The following SPATA3 variants were observed in gnomAD, a reference collection of about 807,000 sequenced individuals.
SPATA3 encodes spermatogenesis-associated protein 3.
A neutral mutation model predicts 5.7 loss-of-function variants in SPATA3; 6 were observed. That is an observed-to-expected ratio of 1.06 (90% confidence interval 0.58 to 2.09). The LOEUF is 2.09. SPATA3 is among the 30% of genes most tolerant of loss of function. SPATA3 has a pLI of 0.00. For missense variants in SPATA3, 155 were observed against 130.4 expected (o/e 1.19, Z -0.92); for synonymous variants, 44 against 48.4 (o/e 0.91, Z 0.37).
At chr2:230,998,413 A>G (rs1451839661) in intron 1 of SPATA3, among the ~76,000 whole-genome samples, 1 of 152,224 alleles carries the variant, frequency 6.6e-6, no homozygotes, top group Non-Finnish European at 1.5e-5. Flanking sequence ...TACTGGTAGA[A>G]AGCAAGACTT....
rs576671526 is a variant in SPATA3 at position 231,013,354 on chromosome 2, A to G, written c.*227-520A>G. ...TCTTTTGCTCATCATAATATTTTAA[A>G]CCTAAATCATATTTCTATACATATC... On this transcript the variant is annotated intron_variant, in intron 5 of 8. Coordinates refer to the SPATA3 transcript ENST00000452881. Among the ~76,000 whole-genome samples, 34 of 152,264 alleles carry G rather than the reference A, an allele frequency of 2.2e-4. 1 individual carries two copies. Among genetic ancestry groups the G allele is most frequent in the Admixed American group, 1.2e-3 (18 of 15,306 alleles).
At chr2:231,001,857 A>G (rs1033101198) in intron 2 of SPATA3, among the ~76,000 whole-genome samples, 3 of 152,200 alleles carry the variant, frequency 2.0e-5, no homozygotes, top group African/African-American at 7.2e-5. Flanking sequence ...AGAGGCTCCA[A>G]CAGGAACCTC....
chr2:231,008,716 A>G (rs147332287), downstream of SPATA3, among the ~76,000 whole-genome samples: 1 of 152,330 alleles, frequency 6.6e-6, no homozygotes, highest in East Asian at 1.9e-4. Flanking sequence ...TTTCTGGCAT[A>G]TTGAGGTCCC....
intron 5 of SPATA3, among the ~76,000 whole-genome samples, chr2:231,013,437 G>A (rs4973366): frequency 0.33 from 49,369 of 151,774 alleles, 8,254 homozygotes; most frequent in Admixed American, 0.39. Flanking sequence ...ATGCCATAGC[G>A]TGTTTATCTA....
intron 2 of SPATA3, among the ~76,000 whole-genome samples, chr2:231,001,120 G>A (rs1194805409): frequency 6.6e-6 from 1 of 152,182 alleles, no homozygotes; most frequent in East Asian, 1.9e-4. Flanking sequence ...TGGTCTGTTG[G>A]TGGCGGCCCC....
chr2:231,008,712 G>A (rs1692707160), downstream of SPATA3, among the ~76,000 whole-genome samples: 1 of 152,192 alleles, frequency 6.6e-6, no homozygotes, highest in Non-Finnish European at 1.5e-5. Context: ...CCTTTTTCTG[G>A]CATATTGAGG....
At chr2:231,002,755 C>A (rs1559195916) in exon 3 of SPATA3, 5 of 1,529,592 alleles carry the variant, frequency 3.3e-6, no homozygotes, top group Non-Finnish European at 4.4e-6. Context: ...GGCTGTGGCT[C>A]TGGGGGCTCT....
intron 5 of SPATA3, chr2:231,012,837 C>T (rs752475245): frequency 6.6e-6 from 1 of 152,130 alleles, no homozygotes; most frequent in Non-Finnish European, 1.5e-5. Flanking sequence ...GCAAAAGAAT[C>T]GTTTTGTTCT....
chr2:231,004,256 TC>T (rs1692456850), downstream of SPATA3: 1 of 152,264 alleles, frequency 6.6e-6, no homozygotes, highest in African/African-American at 2.4e-5. Flanking sequence ...AACCTCAGTT[TC>T]CTCATCTGTA....
chr2:230,996,466 G>T (rs955456004), intron 1 of SPATA3: 1 of 1,552,222 alleles, frequency 6.4e-7, no homozygotes, highest in Middle Eastern at 1.7e-4. Context: ...CCCGAAATCC[G>T]CCGCTCCTCT....
rs201354895 is a variant in SPATA3, at chr2:230,996,191, C to T, written c.791-4175C>T. ...CCTCCAGGAGGGAGCCGGGAGATTA[C>T]GCAGCTCCATGTAGGTCCACGTTTA... On this transcript the variant is annotated intron_variant, in intron 1 of 2. In the 5' UTR this introduces an upstream ATG that the reference lacks. Coordinates refer to ENST00000645363, the Ensembl canonical transcript of SPATA3. 27 of 1,518,894 alleles carry T rather than the reference C, an allele frequency of 1.8e-5. No homozygotes were observed. Among genetic ancestry groups the T allele is most frequent in the Admixed American group, 1.0e-4 (5 of 47,816 alleles). The allele number at this position is 1,518,894 out of a possible 1,614,324, so 94.1% of individuals were successfully genotyped here.
At chr2:231,016,689 A>G (rs1692948119) in intron 6 of SPATA3, among the ~76,000 whole-genome samples, 1 of 152,018 alleles carries the variant, frequency 6.6e-6, no homozygotes, top group Non-Finnish European at 1.5e-5. Flanking sequence ...TTATCTCAAA[A>G]GGAAAATAAA....
intron 6 of SPATA3, among the ~76,000 whole-genome samples, chr2:231,017,920 A>G (rs765911827): frequency 8.2e-5 from 12 of 146,816 alleles, no homozygotes; most frequent in South Asian, 2.2e-4. Context: ...AAGGTCTGAT[A>G]GAGAAACTTT....
downstream of SPATA3, among the ~76,000 whole-genome samples, chr2:231,005,453 A>G (rs1692570726): frequency 7.7e-6 from 1 of 129,078 alleles, no homozygotes; most frequent in African/African-American, 3.0e-5. Flanking sequence ...CACCATCACC[A>G]CCACCACCAC....
chr2:231,018,081 C>T (rs1361557858), intron 6 of SPATA3, among the ~76,000 whole-genome samples: 1 of 152,030 alleles, frequency 6.6e-6, no homozygotes, highest in Non-Finnish European at 1.5e-5. Flanking sequence ...CACACCACCC[C>T]GCCCAGCTAA....
At chr2:231,016,384 G>A (rs1692937153) in intron 6 of SPATA3, among the ~76,000 whole-genome samples, 1 of 151,926 alleles carries the variant, frequency 6.6e-6, no homozygotes, top group Admixed American at 6.6e-5. Context: ...TCTCTGCCTT[G>A]GCATTTCAAA....
chr2:231,018,218 C>T (rs1442403155), intron 6 of SPATA3, among the ~76,000 whole-genome samples: 4 of 152,188 alleles, frequency 2.6e-5, no homozygotes, highest in Non-Finnish European at 4.4e-5. Context: ...AGCCACCGCA[C>T]CCATCATGAC....
Position 231,019,199 on chromosome 2 carries a change from G to A in SPATA3, c.*566-521G>A, listed in dbSNP as rs183507443. ...TTAGCCAGGATGGTCTCGATCTCCC[G>A]ACCTTGTGATCCGCCCACCTTGGCC... On this transcript the variant is annotated intron_variant, in intron 6 of 8. Transcript: ENST00000452881. 4.1e-4 allele frequency among the ~76,000 whole-genome samples: 62 copies of A among 150,242 alleles called. 1 individual carries two copies. In the East Asian group the frequency reaches 9.3e-3, roughly 23 times the overall value.
At chr2:231,007,106 G>A (rs549776379), downstream of SPATA3, 1 of 152,262 alleles carries the variant, frequency 6.6e-6, no homozygotes, top group South Asian at 2.1e-4. Context: ...CTCCACGGAA[G>A]GATCACAGCT....
Sources: allele counts gnomAD v4.1 joint callset (sites outside exome capture counted in the v4.1 genomes callset), GRCh38; gene constraint gnomAD v4.1.1; transcripts MANE v1.5; gene names NCBI Gene and HGNC (gene_info 2026-07-23, HGNC 2026-07-21).